WIF1: variants seen among roughly 807,000 people sequenced by gnomAD.
WIF1 encodes Wnt inhibitory factor 1.
Under a neutral mutation model 53.5 loss-of-function variants are expected in WIF1, and 35 were observed. The observed-to-expected ratio is 0.65, with a 90% CI of 0.50 to 0.87. The LOEUF (loss-of-function observed/expected upper bound fraction) is 0.87, where lower values mean the gene tolerates loss of function less well. Among genes scored for constraint, WIF1 ranks in the 40% least tolerant of loss-of-function variants. The pLI is 0.00. For missense variants in WIF1, 467 were observed against 476.8 expected (o/e 0.98, Z 0.19); for synonymous variants, 171 against 170.4 (o/e 1.00, Z -0.03).
chr12:65,066,852 T>C, intron 5 of WIF1, 116 bp from the exon 6 acceptor site: 1 of 559,904 alleles, frequency 1.8e-6, no homozygotes, highest in Non-Finnish European at 2.9e-6. Flanking sequence ...GACTCTAAAA[T>C]GATTACTCTT....
chr12:65,076,829 G>T (rs1460095945), intron 3 of WIF1, among the ~76,000 whole-genome samples: 1 of 151,170 alleles, frequency 6.6e-6, no homozygotes, highest in African/African-American at 2.4e-5. Flanking sequence ...TATTGTAAGA[G>T]CATTAAAAAC....
chr12:65,067,441 T>G (rs552576015), intron 5 of WIF1, among the ~76,000 whole-genome samples: 11 of 152,194 alleles, frequency 7.2e-5, no homozygotes, highest in African/African-American at 2.4e-4. Context: ...TAAATCCAAC[T>G]TAAGAGGAGG....
At chr12:65,113,084 T>C (rs1355115466) in intron 2 of WIF1, among the ~76,000 whole-genome samples, 2 of 152,180 alleles carry the variant, frequency 1.3e-5, no homozygotes, top group African/African-American at 4.8e-5. Context: ...TATTTGTTGA[T>C]TGAGTGCTTG....
intron 3 of WIF1, among the ~76,000 whole-genome samples, chr12:65,075,288 C>T (rs991457313): frequency 2.0e-5 from 3 of 152,140 alleles, no homozygotes; most frequent in African/African-American, 7.2e-5. Context: ...GGTAGATAAC[C>T]GTAATCTGAA....
intron 1 of WIF1, 108 bp downstream of exon 1, chr12:65,120,936 T>C: frequency 3.8e-6 from 5 of 1,308,486 alleles, no homozygotes; most frequent in East Asian, 2.9e-5. Flanking sequence ...GAACACTCTT[T>C]TGTGGAAATT....
intron 2 of WIF1, among the ~76,000 whole-genome samples, chr12:65,112,392 T>G (rs1883443731): frequency 8.3e-6 from 1 of 120,440 alleles, no homozygotes; most frequent in African/African-American, 3.1e-5. Flanking sequence ...TTTTTACAGT[T>G]CCCTGCTCTA....
At chr12:65,056,366 CTTTTTTTTTTTTTTTTTTTTTTTTTT>C (rs10584146) in intron 7 of WIF1, among the ~76,000 whole-genome samples, 2 of 24,222 alleles carry the variant, frequency 8.3e-5, no homozygotes, top group African/African-American at 2.8e-4. Context: ...CATTTATATC[CTTTTTTTTTTTTTTTTTTTTTTTTTT>C]TTTTTTTTTT....
chr12:65,064,653 A>T (rs1882662399), intron 6 of WIF1, among the ~76,000 whole-genome samples: 1 of 152,164 alleles, frequency 6.6e-6, no homozygotes, highest in Non-Finnish European at 1.5e-5. Context: ...GACATTATAA[A>T]AGAATAAAAA....
chr12:65,065,341 C>T (rs973924835), intron 6 of WIF1, among the ~76,000 whole-genome samples: 2 of 151,968 alleles, frequency 1.3e-5, no homozygotes, highest in African/African-American at 4.8e-5. Flanking sequence ...AATTAGGTAG[C>T]CTGGGTGGCA....
At chr12:65,071,250 AAAAAG>A (rs1266558922) in intron 3 of WIF1, among the ~76,000 whole-genome samples, 8 of 150,972 alleles carry the variant, frequency 5.3e-5, no homozygotes, top group African/African-American at 1.5e-4. Context: ...AAAAAAAAAA[AAAAAG>A]GAAAGAAAGA....
At chr12:65,077,115 A>T (rs1882873251) in intron 3 of WIF1, among the ~76,000 whole-genome samples, 1 of 152,144 alleles carries the variant, frequency 6.6e-6, no homozygotes, top group South Asian at 2.1e-4. Context: ...CTAAGTCTTA[A>T]TTTTTTAATT....
rs763500209 is a variant in WIF1 at position 65,077,840 on chromosome 12, A to T, written c.303T>A (p.Tyr101Ter). 1 of 1,613,620 alleles carries T rather than the reference A, an allele frequency of 6.2e-7. No homozygotes were observed. The highest frequency in any genetic ancestry group is 8.5e-7 in the Non-Finnish European group (1 of 1,179,732). Residue 101 changes from tyrosine to a stop codon, truncating the protein, a stop_gained, in exon 3 of 10, where the codon TAT (tyrosine) becomes TAA (stop). Coordinates refer to ENST00000286574, the MANE Select transcript of WIF1 (RefSeq NM_007191.5). LOFTEE classifies it high-confidence loss of function. ...CCAGGGAGCGCAAGGACAGGAATTC[A>T]TAGAAGTATTCTGCCTACAACCAAA... ...WQAAGQAEYF[Y>*]EFLSLRSLDK...
At chr12:65,091,221 C>T (rs1883116690) in intron 2 of WIF1, among the ~76,000 whole-genome samples, 1 of 150,948 alleles carries the variant, frequency 6.6e-6, no homozygotes, top group African/African-American at 2.4e-5. Context: ...GGGCAAAAAC[C>T]TAGTTTCTTT....
chr12:65,068,200 G>T (rs937178797), intron 4 of WIF1, among the ~76,000 whole-genome samples: 3 of 152,122 alleles, frequency 2.0e-5, no homozygotes, highest in Non-Finnish European at 2.9e-5. Context: ...AGCTAGAAAA[G>T]CTTGTATAGG....
chr12:65,055,355 C>A, intron 8 of WIF1, 142 bp from the exon 9 acceptor site: 1 of 858,294 alleles, frequency 1.2e-6, no homozygotes, highest in South Asian at 2.0e-5. Flanking sequence ...AGTCTCCAGT[C>A]ATAAGTTGGT....
chr12:65,062,246 C>T (rs984715855), intron 7 of WIF1, among the ~76,000 whole-genome samples: 1 of 152,136 alleles, frequency 6.6e-6, no homozygotes, highest in Non-Finnish European at 1.5e-5. Context: ...CCAGACATAA[C>T]CGAGTCAGAG....
At chr12:65,094,835 C>T (rs755707338) in intron 2 of WIF1, among the ~76,000 whole-genome samples, 5 of 152,086 alleles carry the variant, frequency 3.3e-5, no homozygotes, top group African/African-American at 9.7e-5. Flanking sequence ...CCCACTCCAT[C>T]GTCACCTTAG....
intron 6 of WIF1, 106 bp downstream of exon 6, chr12:65,066,535 A>G: frequency 1.1e-6 from 1 of 883,836 alleles, no homozygotes. Context: ...ACCCTAAGCC[A>G]TACATTCTCA....
intron 2 of WIF1, among the ~76,000 whole-genome samples, chr12:65,100,650 C>T (rs1309197091): frequency 2.0e-5 from 3 of 152,010 alleles, no homozygotes; most frequent in South Asian, 2.1e-4. Context: ...AAAAGTTTTA[C>T]GCATCAAGTT....
Sources: allele counts gnomAD v4.1 joint callset (sites outside exome capture counted in the v4.1 genomes callset), GRCh38; gene constraint gnomAD v4.1.1; transcripts MANE v1.5; gene names NCBI Gene and HGNC (gene_info 2026-07-23, HGNC 2026-07-21).